XYLT1: variants seen among roughly 807,000 people sequenced by gnomAD.
XYLT1 encodes xylosyltransferase 1.
Under a neutral mutation model 91.3 loss-of-function variants are expected in XYLT1, and 36 were observed. That is an observed-to-expected ratio of 0.39 (90% CI 0.30 to 0.52). XYLT1 has a LOEUF of 0.52. XYLT1 is among the 20% of genes least tolerant of loss of function. The probability of loss-of-function intolerance (pLI) is 0.68; values close to 1 mark genes in which losing one functional copy is unlikely to be tolerated. For missense variants in XYLT1, 1,242 were observed against 1,284.5 expected (o/e 0.97, Z 0.51); for synonymous variants, 588 against 532.0 (o/e 1.11, Z -1.45).
At chr16:17,239,709 T>A (rs1279004104) in intron 3 of XYLT1, among the ~76,000 whole-genome samples, 1 of 150,908 alleles carries the variant, frequency 6.6e-6, no homozygotes, top group Non-Finnish European at 1.5e-5. Flanking sequence ...CATCCATCCA[T>A]CCACCCACCG....
intron 5 of XYLT1, among the ~76,000 whole-genome samples, chr16:17,168,952 C>G (rs1425339167): frequency 1.3e-5 from 2 of 152,232 alleles, no homozygotes; most frequent in Non-Finnish European, 2.9e-5. Context: ...ACTGCCTACT[C>G]AATCTTTGGA....
At chr16:17,422,060 G>A (rs957757673) in intron 1 of XYLT1, among the ~76,000 whole-genome samples, 14 of 150,848 alleles carry the variant, frequency 9.3e-5, no homozygotes, top group Admixed American at 4.0e-4. Flanking sequence ...TCCACTCACC[G>A]GAAGCTCTGC....
intron 1 of XYLT1, among the ~76,000 whole-genome samples, chr16:17,379,792 C>CACACAT (rs1157904036): frequency 1.3e-5 from 2 of 151,634 alleles, no homozygotes; most frequent in African/African-American, 4.9e-5. Context: ...CACACACACA[C>CACACAT]ACCCCTTACC....
chr16:17,387,855 A>G (rs562555140), intron 1 of XYLT1, among the ~76,000 whole-genome samples: 68 of 152,332 alleles, frequency 4.5e-4, no homozygotes, highest in African/African-American at 1.6e-3. Flanking sequence ...CTCCTCGTGA[A>G]GATTCTATTC....
intron 10 of XYLT1, among the ~76,000 whole-genome samples, chr16:17,119,253 A>G (rs543819147): frequency 1.1e-4 from 17 of 152,320 alleles, no homozygotes; most frequent in African/African-American, 3.6e-4. Context: ...TGAATGAACT[A>G]GGGAGATTCC....
chr16:17,158,716 T>G, intron 6 of XYLT1, 113 bp downstream of exon 6: 1 of 1,152,602 alleles, frequency 8.7e-7, no homozygotes, highest in Non-Finnish European at 1.3e-6. Flanking sequence ...TGCCAAGCCT[T>G]TCTCCCACCC....
intron 2 of XYLT1, among the ~76,000 whole-genome samples, chr16:17,315,365 C>T (rs889663486): frequency 1.3e-5 from 2 of 152,240 alleles, no homozygotes; most frequent in African/African-American, 4.8e-5. Flanking sequence ...TTCTCCCCAG[C>T]CTCATCCTTT....
chr16:17,288,902 A>C (rs1475685146), intron 2 of XYLT1, among the ~76,000 whole-genome samples: 1 of 152,088 alleles, frequency 6.6e-6, no homozygotes, highest in Non-Finnish European at 1.5e-5. Flanking sequence ...GTTTTACCCC[A>C]CTGAGTGTTG....
chr16:17,342,844 G>C (rs1476207975), intron 2 of XYLT1, among the ~76,000 whole-genome samples: 1 of 152,226 alleles, frequency 6.6e-6, no homozygotes, highest in East Asian at 1.9e-4. Context: ...GAACGTAGTA[G>C]GCACTCAACA....
chr16:17,222,789 C>CAAAA (rs11358476), intron 3 of XYLT1, among the ~76,000 whole-genome samples: 2 of 71,208 alleles, frequency 2.8e-5, no homozygotes, highest in Non-Finnish European at 2.6e-5. Flanking sequence ...AACTCTGTCT[C>CAAAA]AAAAAAAAAA....
At chr16:17,168,730 T>C (rs1190196142) in intron 5 of XYLT1, among the ~76,000 whole-genome samples, 2 of 152,162 alleles carry the variant, frequency 1.3e-5, no homozygotes, top group African/African-American at 2.4e-5. Flanking sequence ...CCAGCCACCA[T>C]GAGCAACTGA....
chr16:17,344,371 T>C (rs2035113733), intron 2 of XYLT1, among the ~76,000 whole-genome samples: 1 of 148,712 alleles, frequency 6.7e-6, no homozygotes, highest in South Asian at 2.1e-4. Flanking sequence ...CGGGCGCCTG[T>C]AGTCCCAGCT....
chr16:17,210,166 C>T lies in XYLT1; in HGVS notation c.914-9512G>A, dbSNP rs547209017. On this transcript the variant is annotated intron_variant, in intron 3 of 11. Coordinates refer to ENST00000261381, the MANE Select transcript of XYLT1 (RefSeq NM_022166.4). ...TCTTCAGCCTCCAGAGTAGCTGGGA[C>T]CAGAGGCATGCATCCCATGTCCATC... Among the ~76,000 whole-genome samples, 7 of 152,198 alleles carry T rather than the reference C, an allele frequency of 4.6e-5. No homozygotes were observed. In the South Asian group the frequency reaches 1.2e-3, roughly 27 times the overall value.
chr16:17,132,113 C>T (rs1244993230), intron 9 of XYLT1, among the ~76,000 whole-genome samples: 1 of 152,166 alleles, frequency 6.6e-6, no homozygotes, highest in African/African-American at 2.4e-5. Flanking sequence ...TTCTAGGAAG[C>T]CTGCAACTGT....
At chr16:17,401,302 C>T (rs1195814060) in intron 1 of XYLT1, among the ~76,000 whole-genome samples, 4 of 152,120 alleles carry the variant, frequency 2.6e-5, no homozygotes, top group South Asian at 2.1e-4. Context: ...TGGAGCCACC[C>T]GGGGTGGGAG....
At position 17,127,784 on chromosome 16, in the gene XYLT1, T is replaced by C; in HGVS notation, c.2105A>G (p.His702Arg). ...GCTCACAGCCAGATTGGTAGCATGA[T>C]GCTTGATCAGAAAGCCCTGGAAGCG... ...ADRFQGFLIK[H>R]HATNLAVSKL... The change falls in exon 10 of 12, where the codon CAT (histidine) becomes CGT (arginine). Residue 702 changes from histidine (H) to arginine (R), a missense_variant. Physicochemically the swap from His to Arg is conservative, Grantham distance 29 (BLOSUM62 0). Coordinates refer to ENST00000261381, the MANE Select transcript of XYLT1 (RefSeq NM_022166.4). 6.2e-7 allele frequency: 1 copy of C among 1,614,188 alleles called. No individual in the cohort carries two copies. Among genetic ancestry groups the C allele is most frequent in the Non-Finnish European group, 8.5e-7 (1 of 1,180,030 alleles).
At chr16:17,228,665 C>A (rs1415624548) in intron 3 of XYLT1, among the ~76,000 whole-genome samples, 2 of 152,162 alleles carry the variant, frequency 1.3e-5, no homozygotes, top group Non-Finnish European at 2.9e-5. Context: ...TGATTGGAGG[C>A]AGCTTCATCT....
intron 2 of XYLT1, among the ~76,000 whole-genome samples, chr16:17,306,784 T>G (rs1340690586): frequency 6.6e-6 from 1 of 152,102 alleles, no homozygotes; most frequent in Non-Finnish European, 1.5e-5. Context: ...ATATATCCCC[T>G]TGGGAATTTT....
chr16:17,107,499 A>AT lies in XYLT1; in HGVS notation c.*1195dup, dbSNP rs1466814698. The AT allele has an allele frequency of 2.6e-5, 4 of 152,652 alleles. No homozygotes were observed. The highest frequency in any genetic ancestry group is 9.6e-5 in the African/African-American group (4 of 41,462). The allele number at this position is 152,652 out of a possible 1,614,324, so 9.5% of individuals were successfully genotyped here. ...TTTTTGTTGTTTAAATAACCTTCCC[A>AT]TTTTTATGTTGCATGTCCCGTTGAG... is the stretch of plus-strand genomic sequence containing the variant. On this transcript the variant is annotated 3_prime_UTR_variant, in exon 12 of 12. Coordinates refer to ENST00000261381, the MANE Select transcript of XYLT1 (RefSeq NM_022166.4).
Sources: gnomAD v4.1 joint callset for allele counts (sites outside exome capture counted in the v4.1 genomes callset) on GRCh38, gnomAD v4.1.1 for gene constraint, MANE v1.5 for transcripts, NCBI Gene and HGNC (gene_info 2026-07-23, HGNC 2026-07-21) for gene names.